Variants in UTS2B observed in about 807,000 individuals in gnomAD.
UTS2B encodes urotensin 2B.
UTS2B carries 21 observed loss-of-function variants against 19.2 expected under a neutral mutation model. The observed-to-expected ratio is 1.09, with a 90% CI of 0.78 to 1.58. The LOEUF is 1.58. Among genes scored for constraint, UTS2B ranks in the 40% most tolerant of loss-of-function variants. The pLI is 0.00. For synonymous variants in UTS2B, 57 were observed against 50.2 expected (o/e 1.14, Z -0.58); for missense variants, 138 against 130.3 (o/e 1.06, Z -0.29).
At chr3:191,273,527 GA>G in intron 8 of UTS2B, 1 of 456,714 alleles carries the variant, frequency 2.2e-6, no homozygotes, top group South Asian at 1.5e-5. Context: ...GGCAATGTTG[GA>G]GGCAGTTAAG....
intron 4 of UTS2B, among the ~76,000 whole-genome samples, chr3:191,296,266 CACACACACAT>C (rs72319687): frequency 0.21 from 32,149 of 151,864 alleles, 3,584 homozygotes; most frequent in Non-Finnish European, 0.23. Flanking sequence ...CACACACTCA[CACACACACAT>C]ACACACACAT....
chr3:191,307,291 C>CTA (rs1320606251), intron 3 of UTS2B, among the ~76,000 whole-genome samples: 2 of 152,102 alleles, frequency 1.3e-5, no homozygotes, highest in Non-Finnish European at 2.9e-5. Context: ...CTCAATCCGT[C>CTA]TATACATCTC....
At chr3:191,271,704 T>C (rs1716099923) in intron 8 of UTS2B, among the ~76,000 whole-genome samples, 2 of 152,220 alleles carry the variant, frequency 1.3e-5, no homozygotes, top group African/African-American at 4.8e-5. Flanking sequence ...ATCTTTTCCT[T>C]ATATTTGGAG....
intron 4 of UTS2B, among the ~76,000 whole-genome samples, chr3:191,284,687 G>C (rs981677796): frequency 6.6e-6 from 1 of 151,402 alleles, no homozygotes; most frequent in Non-Finnish European, 1.5e-5. Flanking sequence ...TTGGGAGGCT[G>C]AGGTGGGCGG....
upstream of UTS2B, among the ~76,000 whole-genome samples, chr3:191,333,510 T>A (rs1718054030): frequency 6.6e-6 from 1 of 152,206 alleles, no homozygotes; most frequent in Non-Finnish European, 1.5e-5. Context: ...AAACCCACTT[T>A]CCCTGTTTTT....
At chr3:191,274,743 G>T (rs1396665891) in intron 8 of UTS2B, among the ~76,000 whole-genome samples, 1 of 151,988 alleles carries the variant, frequency 6.6e-6, no homozygotes, top group East Asian at 1.9e-4. Context: ...AAAGAAACAG[G>T]AATACATTTT....
At chr3:191,302,350 C>T (rs142980533) in intron 4 of UTS2B, among the ~76,000 whole-genome samples, 1,545 of 152,308 alleles carry the variant, frequency 0.01, 10 homozygotes, top group Non-Finnish European at 0.017. Flanking sequence ...CATGAAAAAT[C>T]CACCCCTTGT....
chr3:191,290,075 T>C (rs542016537), intron 4 of UTS2B, among the ~76,000 whole-genome samples: 1 of 152,342 alleles, frequency 6.6e-6, no homozygotes, highest in South Asian at 2.1e-4. Flanking sequence ...TTGTCAAATT[T>C]TTAATGAATT....
chr3:191,282,037 T>C (rs746967656), intron 5 of UTS2B, 50 bp downstream of exon 5: 4 of 1,290,132 alleles, frequency 3.1e-6, no homozygotes, highest in East Asian at 2.3e-5. Flanking sequence ...CAAATAGAAA[T>C]AGAAGAATTA....
intron 4 of UTS2B, among the ~76,000 whole-genome samples, chr3:191,299,986 G>C (rs1716952731): frequency 1.3e-5 from 2 of 152,170 alleles, no homozygotes; most frequent in Non-Finnish European, 2.9e-5. Context: ...TTGGCTTTCA[G>C]ACTTGCATGG....
At chr3:191,312,719 C>A (rs558770272) in intron 3 of UTS2B, among the ~76,000 whole-genome samples, 3 of 152,324 alleles carry the variant, frequency 2.0e-5, no homozygotes, top group Admixed American at 2.0e-4. Flanking sequence ...GTCCCTGTGA[C>A]TTCCAGAACA....
chr3:191,342,135 T>A, the UTS2B span, among the ~76,000 whole-genome samples: 1 of 152,200 alleles, frequency 6.6e-6, no homozygotes, highest in Non-Finnish European at 1.5e-5. Flanking sequence ...ATTTCAAGAT[T>A]TACACATTTG....
At chr3:191,334,039 A>AT (rs1718067529), upstream of UTS2B, among the ~76,000 whole-genome samples, 1 of 152,074 alleles carries the variant, frequency 6.6e-6, no homozygotes, top group East Asian at 1.9e-4. Context: ...TGTGTTTTTG[A>AT]TTTTTACTTG....
At chr3:191,317,496 T>A (rs1717495812) in intron 2 of UTS2B, among the ~76,000 whole-genome samples, 1 of 152,244 alleles carries the variant, frequency 6.6e-6, no homozygotes, top group South Asian at 2.1e-4. Context: ...CCAGAGTGGA[T>A]GCCAAGGCCG....
At chr3:191,336,368 C>G in the UTS2B span, among the ~76,000 whole-genome samples, 1 of 152,130 alleles carries the variant, frequency 6.6e-6, no homozygotes, top group African/African-American at 2.4e-5. Context: ...ACCATTTGAG[C>G]AAGTGTGTCA....
intron 8 of UTS2B, among the ~76,000 whole-genome samples, chr3:191,274,250 TA>T (rs545334624): frequency 2.6e-5 from 4 of 152,272 alleles, no homozygotes; most frequent in African/African-American, 4.8e-5. Flanking sequence ...TTCTCGTCTA[TA>T]AAAAAAGTCA....
intron 7 of UTS2B, among the ~76,000 whole-genome samples, chr3:191,275,701 C>CA (rs113295650): frequency 0.17 from 16,742 of 100,834 alleles, 1,722 homozygotes; most frequent in African/African-American, 0.35. Context: ...AAACAAACAA[C>CA]AAAAAAAAAA....
chr3:191,311,292 A>G (rs572275391), intron 3 of UTS2B, among the ~76,000 whole-genome samples: 2 of 152,380 alleles, frequency 1.3e-5, no homozygotes, highest in Admixed American at 1.3e-4. Flanking sequence ...AAATTTGAAG[A>G]AAAATTATTC....
chr3:191,282,342 A>G, intron 4 of UTS2B, 29 bp from the exon 5 acceptor site: 1 of 580,962 alleles, frequency 1.7e-6, no homozygotes. Flanking sequence ...AAGAAAGAAA[A>G]TAAATCTATA....
Sources: gnomAD v4.1 joint callset for allele counts (sites outside exome capture counted in the v4.1 genomes callset) on GRCh38, gnomAD v4.1.1 for gene constraint, MANE v1.5 for transcripts, NCBI Gene and HGNC (gene_info 2026-07-23, HGNC 2026-07-21) for gene names.